FRMD5: variants seen among roughly 807,000 people sequenced by gnomAD.
The protein encoded by FRMD5 is FERM domain-containing protein 5.
Under a neutral mutation model 69.0 loss-of-function variants are expected in FRMD5, and 20 were observed. The observed-to-expected ratio is 0.29, with a 90% CI of 0.20 to 0.42. FRMD5 has a LOEUF of 0.42. FRMD5 is among the 10% of genes least tolerant of loss of function. FRMD5 has a pLI of 1.00. For missense variants in FRMD5, 595 were observed against 708.6 expected, an observed-to-expected ratio of 0.84 and a Z score of 1.82; for synonymous variants, 271 against 260.1, an observed-to-expected ratio of 1.04 and a Z score of -0.40.
chr15:44,138,613 TAAC>T (rs1205366980), intron 1 of FRMD5, among the ~76,000 whole-genome samples: 4 of 152,156 alleles, frequency 2.6e-5, no homozygotes, highest in African/African-American at 9.7e-5. Flanking sequence ...CATGTTACAC[TAAC>T]AGACTCTTAG....
At chr15:43,875,588 G>A (rs2088320571) in intron 13 of FRMD5, among the ~76,000 whole-genome samples, 1 of 150,880 alleles carries the variant, frequency 6.6e-6, no homozygotes, top group Non-Finnish European at 1.5e-5. Context: ...AGCGATTCTT[G>A]TGTCTCAGCC....
At chr15:44,071,954 C>T (rs1029062762) in intron 1 of FRMD5, among the ~76,000 whole-genome samples, 1 of 152,162 alleles carries the variant, frequency 6.6e-6, no homozygotes, top group Non-Finnish European at 1.5e-5. Flanking sequence ...CAACCTCTGC[C>T]TCCTGGGTCC....
chr15:43,894,863 C>T (rs1333587909), intron 7 of FRMD5, among the ~76,000 whole-genome samples: 1 of 152,196 alleles, frequency 6.6e-6, no homozygotes, highest in Non-Finnish European at 1.5e-5. Context: ...TCTCCATGGT[C>T]AGACTCCTTG....
At chr15:43,923,997 G>C (rs776812083) in intron 2 of FRMD5, among the ~76,000 whole-genome samples, 27 of 152,220 alleles carry the variant, frequency 1.8e-4, no homozygotes, top group Non-Finnish European at 3.4e-4. Flanking sequence ...TGCCATTTCA[G>C]CAACTGTAAA....
At chr15:43,968,632 G>C (rs1255836766) in intron 1 of FRMD5, among the ~76,000 whole-genome samples, 1 of 152,118 alleles carries the variant, frequency 6.6e-6, no homozygotes, top group Admixed American at 6.5e-5. Context: ...AGAATGCCTT[G>C]TATCTATCTA....
At chr15:43,898,146 A>G (rs888546088) in intron 7 of FRMD5, among the ~76,000 whole-genome samples, 1 of 152,220 alleles carries the variant, frequency 6.6e-6, no homozygotes, top group African/African-American at 2.4e-5. Context: ...AGAATTGGCA[A>G]TGAGTTGTGC....
At chr15:43,948,615 A>AT (rs992257070) in intron 1 of FRMD5, among the ~76,000 whole-genome samples, 1 of 152,124 alleles carries the variant, frequency 6.6e-6, no homozygotes, top group Non-Finnish European at 1.5e-5. Context: ...AGGAGGGCAT[A>AT]TTTTTTTCCA....
intron 1 of FRMD5, among the ~76,000 whole-genome samples, chr15:43,961,235 T>C (rs573007994): frequency 1.3e-5 from 2 of 151,968 alleles, no homozygotes; most frequent in African/African-American, 2.4e-5. Flanking sequence ...ACCACCGATC[T>C]CACAGAAATA....
chr15:43,927,388 T>G (rs1255907238), intron 1 of FRMD5, among the ~76,000 whole-genome samples: 1 of 152,056 alleles, frequency 6.6e-6, no homozygotes, highest in African/African-American at 2.4e-5. Context: ...CAGGAAAGAG[T>G]GACTCTCAGG....
intron 4 of FRMD5, among the ~76,000 whole-genome samples, chr15:43,913,886 T>C (rs1041591267): frequency 6.6e-6 from 1 of 152,250 alleles, no homozygotes; most frequent in Non-Finnish European, 1.5e-5. Context: ...ATCAGAGAGA[T>C]ATTCTCACTG....
chr15:44,005,881 C>T (rs1489798607), intron 1 of FRMD5, among the ~76,000 whole-genome samples: 1 of 152,164 alleles, frequency 6.6e-6, no homozygotes, highest in Non-Finnish European at 1.5e-5. Context: ...CAAACCATAT[C>T]ACCATCTCCA....
At chr15:43,899,434 T>G (rs1007799481) in intron 7 of FRMD5, among the ~76,000 whole-genome samples, 3 of 152,030 alleles carry the variant, frequency 2.0e-5, no homozygotes, top group African/African-American at 7.2e-5. Context: ...TTCCATAGGG[T>G]ACATAACAAC....
At chr15:43,886,523 C>A (rs1391361984) in intron 10 of FRMD5, among the ~76,000 whole-genome samples, 1 of 152,190 alleles carries the variant, frequency 6.6e-6, no homozygotes, top group Non-Finnish European at 1.5e-5. Flanking sequence ...AGCTTGGGCA[C>A]AGCAGCTCAG....
intron 1 of FRMD5, among the ~76,000 whole-genome samples, chr15:44,104,553 T>G (rs1310953882): frequency 6.6e-6 from 1 of 152,224 alleles, no homozygotes; most frequent in Non-Finnish European, 1.5e-5. Flanking sequence ...TAATGTTTCA[T>G]ACGTTAAAGA....
intron 1 of FRMD5, among the ~76,000 whole-genome samples, chr15:44,082,057 T>C (rs1430696752): frequency 6.6e-6 from 1 of 152,052 alleles, no homozygotes; most frequent in African/African-American, 2.4e-5. Flanking sequence ...AGTAGAACAA[T>C]TTATTTTCAA....
At position 43,875,348 on chromosome 15, in the gene FRMD5, C is replaced by CAAAAAA. The variant is rs1202161221; in HGVS notation, c.1136-892_1136-887dup. ...CCTGAGCAACAGAGAAAGACTGTCT[C>CAAAAAA]AAAAAAAAAAAAAAAATATATATAT... On this transcript the variant is annotated intron_variant, in intron 13 of 13. Coordinates refer to ENST00000417257, the MANE Select transcript of FRMD5 (RefSeq NM_032892.5). Among the ~76,000 whole-genome samples the CAAAAAA allele has an allele frequency of 2.1e-4, 10 of 46,810 alleles. No individual in the cohort carries two copies. In the South Asian group the frequency reaches 2.9e-3, roughly 14 times the overall value. 30.7% of individuals were successfully genotyped at this position (46,810 alleles called of 152,430 possible).
chr15:44,084,487 T>TA (rs2140457848), intron 1 of FRMD5, among the ~76,000 whole-genome samples: 1 of 152,242 alleles, frequency 6.6e-6, no homozygotes, highest in South Asian at 2.1e-4. Flanking sequence ...TGCCAACTGT[T>TA]AGAAATTCTT....
At chr15:44,056,997 C>T (rs1892895034) in intron 1 of FRMD5, among the ~76,000 whole-genome samples, 1 of 152,116 alleles carries the variant, frequency 6.6e-6, no homozygotes, top group African/African-American at 2.4e-5. Context: ...ATCTGGCTTT[C>T]CAAATGGAAG....
chr15:44,056,258 A>G (rs1892864223), intron 1 of FRMD5, among the ~76,000 whole-genome samples: 1 of 152,218 alleles, frequency 6.6e-6, no homozygotes, highest in Non-Finnish European at 1.5e-5. Flanking sequence ...AATTAAAGAT[A>G]CCCAGGAGGA....
Sources: allele counts gnomAD v4.1 joint callset (sites outside exome capture counted in the v4.1 genomes callset), GRCh38; gene constraint gnomAD v4.1.1; transcripts MANE v1.5; gene names NCBI Gene and HGNC (gene_info 2026-07-23, HGNC 2026-07-21).